ATRNL1: variants seen among roughly 807,000 people sequenced by gnomAD.
ATRNL1 encodes attractin like 1.
Under a neutral mutation model 182.7 loss-of-function variants are expected in ATRNL1, and 95 were observed. The observed-to-expected ratio is 0.52, with a 90% confidence interval of 0.44 to 0.62. ATRNL1 has a LOEUF of 0.62. Among genes scored for constraint, ATRNL1 ranks in the 20% least tolerant of loss-of-function variants. ATRNL1 has a pLI of 0.00. For missense variants in ATRNL1, 1,471 were observed against 1,679.5 expected (o/e 0.88, Z 2.17); for synonymous variants, 576 against 568.3 (o/e 1.01, Z -0.19).
At chr10:115,933,125 G>C (rs1214330870) in intron 28 of ATRNL1, among the ~76,000 whole-genome samples, 2 of 152,190 alleles carry the variant, frequency 1.3e-5, no homozygotes, top group African/African-American at 4.8e-5. Flanking sequence ...TATGCTTATG[G>C]TGGGACTTCC....
chr10:115,184,441 C>T (rs1448445761), intron 8 of ATRNL1, among the ~76,000 whole-genome samples: 2 of 151,134 alleles, frequency 1.3e-5, no homozygotes, highest in African/African-American at 4.9e-5. Flanking sequence ...TATATATACA[C>T]ACAACTATAT....
At position 115,093,941 on chromosome 10, in the gene ATRNL1, A is replaced by G. The variant is rs1554862416; in HGVS notation, c.191A>G (p.Glu64Gly). Reference protein sequence around the residue: ...YAQVSQSKPCERTGSCFSGRC... With the variant: ...YAQVSQSKPCGRTGSCFSGRC... ...CAGGTGTCCCAGTCCAAGCCGTGCG[A>G]GAGGACCGGCTCCTGCTTCTCGGGC... Residue 64 changes from glutamate (E) to glycine (G), a missense_variant, in exon 1 of 29, where the codon GAG (glutamate) becomes GGG (glycine). Coordinates refer to ENST00000355044, the MANE Select transcript of ATRNL1 (RefSeq NM_207303.4). The surrounding 1 kb of genome is among the most constrained non-coding windows in gnomAD (Gnocchi z 6.1). 3 of 1,595,468 alleles carry G rather than the reference A, an allele frequency of 1.9e-6. No individual in the cohort carries two copies. In the East Asian group the frequency reaches 7.0e-5, roughly 37 times the overall value.
intron 27 of ATRNL1, among the ~76,000 whole-genome samples, chr10:115,803,267 A>C (rs1246037051): frequency 9.0e-6 from 1 of 111,644 alleles, no homozygotes; most frequent in Non-Finnish European, 2.1e-5. Flanking sequence ...TTTTGGTTCA[A>C]ATCCTCATTC....
chr10:115,863,681 A>C (rs982159009), intron 28 of ATRNL1, among the ~76,000 whole-genome samples: 1 of 152,200 alleles, frequency 6.6e-6, no homozygotes, highest in East Asian at 1.9e-4. Context: ...TATGTTTCTT[A>C]ATGCTGCCTG....
chr10:115,380,679 A>T (rs1306019226), intron 19 of ATRNL1, among the ~76,000 whole-genome samples: 7 of 152,194 alleles, frequency 4.6e-5, no homozygotes, highest in African/African-American at 1.7e-4. Flanking sequence ...ATAAAGGTTC[A>T]TCCATGTTGT....
At chr10:115,549,317 G>A (rs559471776) in intron 25 of ATRNL1, 141 bp from the exon 26 acceptor site, 1 of 460,758 alleles carries the variant, frequency 2.2e-6, no homozygotes, top group Non-Finnish European at 3.6e-6. Context: ...TTAAGCATTG[G>A]AAATTTATCA....
intron 28 of ATRNL1, among the ~76,000 whole-genome samples, chr10:115,877,143 A>G (rs1555107440): frequency 6.6e-6 from 1 of 152,232 alleles, no homozygotes; most frequent in Non-Finnish European, 1.5e-5. Context: ...AAGCACGAGA[A>G]CAAAATTGGG....
At chr10:115,621,840 T>C (rs1490386714) in intron 26 of ATRNL1, among the ~76,000 whole-genome samples, 3 of 152,180 alleles carry the variant, frequency 2.0e-5, no homozygotes, top group Non-Finnish European at 4.4e-5. Flanking sequence ...AGAAAGGACT[T>C]GTGTTAAAAA....
chr10:115,590,507 A>G (rs1265914129), intron 26 of ATRNL1, among the ~76,000 whole-genome samples: 4 of 152,176 alleles, frequency 2.6e-5, no homozygotes, highest in Non-Finnish European at 5.9e-5. Context: ...ATATACTAAT[A>G]CTGTGGAGTA....
intron 28 of ATRNL1, among the ~76,000 whole-genome samples, chr10:115,884,557 C>T (rs782777395): frequency 1.3e-5 from 2 of 152,126 alleles, no homozygotes; most frequent in Non-Finnish European, 2.9e-5. Context: ...TATGGGGAAT[C>T]GTTAATCTGT....
chr10:115,516,587 G>A (rs1314330699), intron 24 of ATRNL1, among the ~76,000 whole-genome samples: 1 of 151,796 alleles, frequency 6.6e-6, no homozygotes, highest in Non-Finnish European at 1.5e-5. Context: ...CTTTCCATGG[G>A]TTCCCATTGC....
intron 27 of ATRNL1, among the ~76,000 whole-genome samples, chr10:115,753,885 G>C (rs1948515286): frequency 6.6e-6 from 1 of 152,104 alleles, no homozygotes; most frequent in Admixed American, 6.6e-5. Context: ...ATGTGAGATG[G>C]TATCTCATTG....
At chr10:115,141,062 G>A (rs1176822852) in intron 5 of ATRNL1, among the ~76,000 whole-genome samples, 1 of 152,036 alleles carries the variant, frequency 6.6e-6, no homozygotes, top group Admixed American at 6.6e-5. Context: ...TTATGTGCTT[G>A]TATGATTCTT....
Position 115,370,229 on chromosome 10 carries a change from C to T in ATRNL1, c.3176-24430C>T, listed in dbSNP as rs1000334488. ...TTGCCCAGTCTCAGTATGTCTTTAT[C>T]GGCTGTGTCAAAATGGACTAATACA... On this transcript the variant is annotated intron_variant, in intron 19 of 28. Transcript: ENST00000355044. 4.6e-5 allele frequency among the ~76,000 whole-genome samples: 7 copies of T among 152,222 alleles called. No individual in the cohort carries two copies. In the East Asian group the frequency reaches 7.7e-4, roughly 17 times the overall value.
In ATRNL1 at chr10:115,165,657, G is replaced by C. The variant is rs1592198337; in HGVS notation, c.1092+12G>C. ...TTGCTTTATATCAGGTATGGCTCCT[G>C]CTTTTTAAATTTTAATCAGATTTTG... On this transcript the variant is annotated intron_variant, in intron 7 of 28. Transcript: ENST00000355044. The C allele has an allele frequency of 6.9e-7, 1 of 1,452,648 alleles. No individual in the cohort carries two copies. Among genetic ancestry groups the C allele is most frequent in the Non-Finnish European group, 9.2e-7 (1 of 1,082,022 alleles). The allele number at this position is 1,452,648 out of a possible 1,614,324, so 90.0% of individuals were successfully genotyped here. A position where few individuals can be genotyped will look rare whatever the true frequency, so the allele number is the denominator to read the frequency against.
intron 27 of ATRNL1, among the ~76,000 whole-genome samples, chr10:115,845,855 C>T (rs1950915810): frequency 6.6e-6 from 1 of 151,834 alleles, no homozygotes; most frequent in Non-Finnish European, 1.5e-5. Context: ...TCGTTTAAAC[C>T]TTGAGTTTAT....
chr10:115,194,437 G>T (rs568797970), intron 8 of ATRNL1, among the ~76,000 whole-genome samples: 2 of 151,948 alleles, frequency 1.3e-5, no homozygotes, highest in South Asian at 4.2e-4. Flanking sequence ...TTATCATTAT[G>T]TAATAACCTT....
chr10:115,336,404 A>G (rs1455566622), intron 19 of ATRNL1, among the ~76,000 whole-genome samples: 7 of 152,204 alleles, frequency 4.6e-5, no homozygotes, highest in Non-Finnish European at 1.0e-4. Flanking sequence ...TATTTCTAAA[A>G]AGACCAAGGT....
intron 26 of ATRNL1, among the ~76,000 whole-genome samples, chr10:115,678,038 T>A (rs1213642350): frequency 6.6e-6 from 1 of 152,140 alleles, no homozygotes; most frequent in Non-Finnish European, 1.5e-5. Flanking sequence ...ATGGGTTTAC[T>A]TTTGGACTAC....
Sources: allele counts gnomAD v4.1 joint callset (sites outside exome capture counted in the v4.1 genomes callset), GRCh38; gene constraint gnomAD v4.1.1; non-coding constraint Gnocchi (gnomAD v3.1); transcripts MANE v1.5; gene names NCBI Gene and HGNC (gene_info 2026-07-23, HGNC 2026-07-21).